Variants in SLC38A6 observed in about 807,000 individuals in gnomAD.
The protein encoded by SLC38A6 is solute carrier family 38 member 6, also known as N system amino acid transporter NAT-1.
Under a neutral mutation model 65.0 loss-of-function variants are expected in SLC38A6, and 73 were observed. The ratio of observed to expected loss-of-function variants is 1.12; its 90% CI spans 0.93 to 1.37. SLC38A6 has a LOEUF of 1.37. Ranked by LOEUF, SLC38A6 falls within the 40% of genes most tolerant of loss-of-function variation. SLC38A6 has a pLI of 0.00. For missense variants in SLC38A6, 561 were observed against 531.1 expected (o/e 1.06, Z -0.55); for synonymous variants, 183 against 178.8 (o/e 1.02, Z -0.19).
intron 15 of SLC38A6, among the ~76,000 whole-genome samples, chr14:61,071,367 A>G (rs2043218780): frequency 6.6e-6 from 1 of 152,112 alleles, no homozygotes; most frequent in South Asian, 2.1e-4. Flanking sequence ...TTTGGTAGGT[A>G]TTACTACATT....
chr14:61,014,906 A>G (rs1338022912), intron 3 of SLC38A6, among the ~76,000 whole-genome samples: 1 of 152,140 alleles, frequency 6.6e-6, no homozygotes, highest in Non-Finnish European at 1.5e-5. Flanking sequence ...TACTCTCATC[A>G]AAGCTGTCAG....
At chr14:61,071,822 C>T (rs1354682401) in intron 15 of SLC38A6, among the ~76,000 whole-genome samples, 4 of 152,142 alleles carry the variant, frequency 2.6e-5, no homozygotes, top group Non-Finnish European at 5.9e-5. Context: ...GTAATTAACC[C>T]AAAGACAGGA....
chr14:61,036,336 T>G (rs901317152), intron 6 of SLC38A6, among the ~76,000 whole-genome samples: 5 of 152,120 alleles, frequency 3.3e-5, no homozygotes, highest in Non-Finnish European at 7.4e-5. Flanking sequence ...GTCTTTGTTC[T>G]TCAGGAACAG....
intron 2 of SLC38A6, 53 bp from the exon 3 acceptor site, chr14:60,984,677 T>C: frequency 1.3e-6 from 2 of 1,532,426 alleles, no homozygotes; most frequent in South Asian, 2.2e-5. Context: ...TGAGACACCA[T>C]ACAAAAGACA....
chr14:61,002,414 A>T (rs918199016), intron 3 of SLC38A6, among the ~76,000 whole-genome samples: 1 of 152,232 alleles, frequency 6.6e-6, no homozygotes, highest in Non-Finnish European at 1.5e-5. Flanking sequence ...TACATTCCCA[A>T]TGGCCAGCTT....
At chr14:61,023,586 A>AT (rs2040455022) in intron 5 of SLC38A6, among the ~76,000 whole-genome samples, 2 of 16,564 alleles carry the variant, frequency 1.2e-4, no homozygotes, top group Non-Finnish European at 9.1e-4. Context: ...AATAATAATA[A>AT]TAATATATAT....
chr14:61,022,037 G>A (rs532242764), intron 5 of SLC38A6, among the ~76,000 whole-genome samples: 5 of 152,104 alleles, frequency 3.3e-5, no homozygotes, highest in East Asian at 1.9e-4. Context: ...ATTGTTGGAC[G>A]GTAGAGTGGG....
At chr14:61,035,229 A>G (rs1022200641) in intron 6 of SLC38A6, among the ~76,000 whole-genome samples, 2 of 152,120 alleles carry the variant, frequency 1.3e-5, no homozygotes, top group Non-Finnish European at 2.9e-5. Flanking sequence ...AGCTACGATA[A>G]AGAAAATTGA....
intron 3 of SLC38A6, among the ~76,000 whole-genome samples, chr14:60,991,095 C>A (rs571117140): frequency 6.6e-6 from 1 of 152,202 alleles, no homozygotes; most frequent in Non-Finnish European, 1.5e-5. Context: ...TCCACTCTTA[C>A]TTCCTGCAGT....
intron 16 of SLC38A6, among the ~76,000 whole-genome samples, chr14:61,080,081 C>T (rs551691702): frequency 5.9e-5 from 9 of 152,122 alleles, no homozygotes; most frequent in Non-Finnish European, 1.2e-4. Context: ...AGATTGGGCA[C>T]CATGAACAAT....
At chr14:61,062,128 G>GC (rs1244929789) in intron 15 of SLC38A6, among the ~76,000 whole-genome samples, 2 of 152,158 alleles carry the variant, frequency 1.3e-5, no homozygotes, top group Admixed American at 1.3e-4. Flanking sequence ...ACGATGCCCA[G>GC]CCCCTGTGTA....
chr14:60,987,813 C>A (rs1566608104), intron 3 of SLC38A6, among the ~76,000 whole-genome samples: 1 of 152,214 alleles, frequency 6.6e-6, no homozygotes, highest in Non-Finnish European at 1.5e-5. Context: ...ACTCTGCATA[C>A]CTCTGGCCGA....
At chr14:61,011,399 C>T (rs538806960) in intron 3 of SLC38A6, among the ~76,000 whole-genome samples, 1 of 151,994 alleles carries the variant, frequency 6.6e-6, no homozygotes, top group African/African-American at 2.4e-5. Context: ...TTGCCCTGGC[C>T]AGAACTTCCA....
In SLC38A6 at chr14:61,050,523, T is replaced by C; in HGVS notation, c.937T>C (p.Ser313Pro). ...GYLTFYDKVE[S>P]ELLKGYSKYL... Reference sequence around the variant, plus strand: ...TATTTTATTTACAGACAAAGTGGAGTCAGAATTACTAAAAGGTTATAGTAA... The same window carrying C: ...TATTTTATTTACAGACAAAGTGGAGCCAGAATTACTAAAAGGTTATAGTAA... The change falls in exon 13 of 16, where the codon TCA (serine) becomes CCA (proline). Residue 313 changes from serine to proline, a missense_variant. Coordinates refer to ENST00000267488, the MANE Select transcript of SLC38A6 (RefSeq NM_153811.3). 6.6e-7 allele frequency: 1 copy of C among 1,524,736 alleles called. No homozygotes were observed. 94.5% of individuals were successfully genotyped at this position (1,524,736 alleles called of 1,614,324 possible).
chr14:61,018,953 A>G (rs1343198922), intron 4 of SLC38A6, among the ~76,000 whole-genome samples: 1 of 152,150 alleles, frequency 6.6e-6, no homozygotes, highest in Non-Finnish European at 1.5e-5. Context: ...CCAATATCCT[A>G]CAGTTCTTGC....
chr14:61,004,258 TC>T (rs1168915174), intron 3 of SLC38A6, among the ~76,000 whole-genome samples: 28 of 152,180 alleles, frequency 1.8e-4, no homozygotes, highest in Non-Finnish European at 3.7e-4. Flanking sequence ...TATCTATACT[TC>T]ATTTTGTTGC....
intron 12 of SLC38A6, among the ~76,000 whole-genome samples, chr14:61,046,425 A>G (rs915471832): frequency 6.6e-6 from 1 of 152,230 alleles, no homozygotes; most frequent in Non-Finnish European, 1.5e-5. Context: ...GCTTAGGGAC[A>G]TGATTCTTTC....
At chr14:60,982,428 C>T (rs1326579731) in intron 1 of SLC38A6, 80 bp from the exon 2 acceptor site, 2 of 1,549,042 alleles carry the variant, frequency 1.3e-6, no homozygotes, top group African/African-American at 2.7e-5. Context: ...TTTCCATAAT[C>T]TTTCATTTAT....
chr14:61,072,040 G>C (rs146712575), intron 15 of SLC38A6, among the ~76,000 whole-genome samples: 2 of 152,166 alleles, frequency 1.3e-5, no homozygotes, highest in African/African-American at 4.8e-5. Context: ...ATTTTGTGTT[G>C]CTGGAGCCTG....
Sources: gnomAD v4.1 joint callset for allele counts (sites outside exome capture counted in the v4.1 genomes callset) on GRCh38, gnomAD v4.1.1 for gene constraint, MANE v1.5 for transcripts, NCBI Gene and HGNC (gene_info 2026-07-23, HGNC 2026-07-21) for gene names.